TAFA1: variants seen among roughly 807,000 people sequenced by gnomAD.
TAFA1 encodes the protein chemokine-like protein TAFA-1.
Under a neutral mutation model 18.5 loss-of-function variants are expected in TAFA1, and 4 were observed. The ratio of observed to expected loss-of-function variants is 0.22; its 90% confidence interval spans 0.11 to 0.49. The LOEUF (loss-of-function observed/expected upper bound fraction) is 0.49, where lower values mean the gene tolerates loss of function less well. TAFA1 is among the 20% of genes least tolerant of loss of function. The pLI is 0.98. For synonymous variants in TAFA1, 56 were observed against 55.2 expected (o/e 1.01, Z -0.06); for missense variants, 147 against 169.0 (o/e 0.87, Z 0.72).
chr3:68,270,886 G>C (rs955435970), intron 2 of TAFA1, among the ~76,000 whole-genome samples: 11 of 152,116 alleles, frequency 7.2e-5, no homozygotes, highest in Admixed American at 1.3e-4. Flanking sequence ...TTTTAAGAAA[G>C]CTGACAGAGT....
chr3:68,231,938 T>C lies in TAFA1; in HGVS notation c.119-185342T>C, dbSNP rs530147167. Among the ~76,000 whole-genome samples, 3 of 152,294 alleles carry C rather than the reference T, an allele frequency of 2.0e-5. No homozygotes were observed. In the South Asian group the frequency reaches 6.2e-4, roughly 32 times the overall value. ...CATTTTTTCCTTTTATTTTTAGTTGTGACCCTTAATAATTGTGCATATTTA... is the reference window on the plus strand; with the variant it reads ...CATTTTTTCCTTTTATTTTTAGTTGCGACCCTTAATAATTGTGCATATTTA... On this transcript the variant is annotated intron_variant, in intron 2 of 4. Coordinates refer to ENST00000478136, the MANE Select transcript of TAFA1 (RefSeq NM_213609.4).
At chr3:67,995,454 G>A in the TAFA1 span, among the ~76,000 whole-genome samples, 8 of 152,172 alleles carry the variant, frequency 5.3e-5, no homozygotes, top group African/African-American at 1.9e-4. Flanking sequence ...CTGGCTTAGG[G>A]ACTCCAAACA....
At chr3:68,408,562 G>A (rs570026484) in intron 2 of TAFA1, among the ~76,000 whole-genome samples, 26 of 152,142 alleles carry the variant, frequency 1.7e-4, no homozygotes, top group African/African-American at 4.1e-4. Context: ...TTCTTCTACC[G>A]TTTCCTTCCT....
intron 2 of TAFA1, among the ~76,000 whole-genome samples, chr3:68,367,147 A>T (rs1049078897): frequency 2.0e-5 from 3 of 152,224 alleles, no homozygotes; most frequent in Non-Finnish European, 4.4e-5. Context: ...GTGCTAGCAC[A>T]TAAATGATGA....
At chr3:68,367,264 C>T (rs568007226) in intron 2 of TAFA1, among the ~76,000 whole-genome samples, 1 of 152,194 alleles carries the variant, frequency 6.6e-6, no homozygotes, top group Non-Finnish European at 1.5e-5. Context: ...AATCAGAATT[C>T]TTGTAAATGA....
intron 2 of TAFA1, among the ~76,000 whole-genome samples, chr3:68,026,598 G>T (rs1177964131): frequency 6.6e-6 from 1 of 152,018 alleles, no homozygotes; most frequent in African/African-American, 2.4e-5. Context: ...GACCTGAGGA[G>T]GTAGGAACTT....
At chr3:68,202,256 A>G (rs1444551610) in intron 2 of TAFA1, among the ~76,000 whole-genome samples, 1 of 151,654 alleles carries the variant, frequency 6.6e-6, no homozygotes. Flanking sequence ...GTGTATTTAC[A>G]GTTGGTTTCT....
At chr3:68,319,825 GA>G (rs1394818437) in intron 2 of TAFA1, among the ~76,000 whole-genome samples, 1 of 152,082 alleles carries the variant, frequency 6.6e-6, no homozygotes, top group African/African-American at 2.4e-5. Flanking sequence ...CAAAGATGGG[GA>G]AAACTAAGCC....
intron 3 of TAFA1, among the ~76,000 whole-genome samples, chr3:68,485,549 C>G (rs1315144869): frequency 6.6e-6 from 1 of 152,190 alleles, no homozygotes; most frequent in Non-Finnish European, 1.5e-5. Flanking sequence ...CAGAAAGCAT[C>G]TAAGGTATTT....
intron 2 of TAFA1, among the ~76,000 whole-genome samples, chr3:68,315,066 T>G (rs72930445): frequency 0.053 from 8,035 of 152,126 alleles, 703 homozygotes; most frequent in African/African-American, 0.18. Flanking sequence ...TCATGGAATA[T>G]TCTCCTGTGG....
chr3:68,468,096 A>G (rs2071925031), intron 3 of TAFA1, among the ~76,000 whole-genome samples: 1 of 152,206 alleles, frequency 6.6e-6, no homozygotes, highest in Non-Finnish European at 1.5e-5. Flanking sequence ...ATGCACTTTG[A>G]CAGGGCCCTG....
chr3:68,143,985 CT>C (rs765248842), intron 2 of TAFA1, among the ~76,000 whole-genome samples: 2,549 of 141,578 alleles, frequency 0.018, 32 homozygotes, highest in Admixed American at 0.033. Context: ...CTGGAGGAGT[CT>C]TTTTTTTTTT....
chr3:68,019,941 C>A (rs766786106), intron 2 of TAFA1, among the ~76,000 whole-genome samples: 10 of 152,190 alleles, frequency 6.6e-5, no homozygotes, highest in Non-Finnish European at 1.2e-4. Context: ...CCTCTGAATC[C>A]TTCCAAGCAC....
chr3:68,278,688 C>G (rs1302450526), intron 2 of TAFA1, among the ~76,000 whole-genome samples: 3 of 152,114 alleles, frequency 2.0e-5, no homozygotes, highest in Admixed American at 6.6e-5. Flanking sequence ...CTTTTCTTAG[C>G]ACAGTGCTTT....
rs1021950346 is a variant in TAFA1, at chr3:68,215,513, T to A, written c.119-201767T>A. 2.6e-5 allele frequency among the ~76,000 whole-genome samples: 4 copies of A among 152,008 alleles called. 1 individual carries two copies. The highest frequency in any genetic ancestry group is 5.9e-5 in the Non-Finnish European group (4 of 67,976). On this transcript the variant is annotated intron_variant, in intron 2 of 4. Coordinates refer to ENST00000478136, the MANE Select transcript of TAFA1 (RefSeq NM_213609.4). ...AAAGAAAATATCAATAAACTAGACT[T>A]CATTAAAAATTACAAACTTCTGCTC...
chr3:68,384,896 C>T (rs112333082), intron 2 of TAFA1, among the ~76,000 whole-genome samples: 3,779 of 151,982 alleles, frequency 0.025, 68 homozygotes, highest in East Asian at 0.093. Context: ...TTGTTGAATT[C>T]AACCCTTTAC....
intron 2 of TAFA1, among the ~76,000 whole-genome samples, chr3:68,076,226 A>G (rs1262548503): frequency 6.6e-6 from 1 of 151,886 alleles, no homozygotes; most frequent in Non-Finnish European, 1.5e-5. Context: ...AGAATTCTAA[A>G]GTAGCCCACA....
chr3:68,263,565 T>A (rs2067480389), intron 2 of TAFA1, among the ~76,000 whole-genome samples: 2 of 151,666 alleles, frequency 1.3e-5, no homozygotes, highest in African/African-American at 4.9e-5. Flanking sequence ...GTGATAGAGA[T>A]TTCATCCTAT....
chr3:68,530,659 A>C (rs528297574), intron 3 of TAFA1, among the ~76,000 whole-genome samples: 2 of 152,160 alleles, frequency 1.3e-5, no homozygotes, highest in Non-Finnish European at 2.9e-5. Flanking sequence ...TCCTCGGAGC[A>C]GTTATGCATC....
Sources: allele counts gnomAD v4.1 joint callset (sites outside exome capture counted in the v4.1 genomes callset), GRCh38; gene constraint gnomAD v4.1.1; transcripts MANE v1.5; gene names NCBI Gene and HGNC (gene_info 2026-07-23, HGNC 2026-07-21).